The following USP40 variants were observed in gnomAD, a reference collection of about 807,000 sequenced individuals.
USP40 encodes ubiquitin specific peptidase 40.
USP40 carries 143 observed loss-of-function variants against 166.2 expected under a neutral mutation model. That is an observed-to-expected ratio of 0.86 (90% CI 0.75 to 0.99). The LOEUF (loss-of-function observed/expected upper bound fraction) is 0.99. Among genes scored for constraint, USP40 ranks in the 50% least tolerant of loss-of-function variants. The pLI is 0.00. For synonymous variants in USP40, 498 were observed against 524.0 expected (o/e 0.95, Z 0.68); for missense variants, 1,444 against 1,479.7 (o/e 0.98, Z 0.40).
At chr2:233,552,563 A>C (rs879717456) in intron 6 of USP40, among the ~76,000 whole-genome samples, 1 of 152,242 alleles carries the variant, frequency 6.6e-6, no homozygotes, top group Non-Finnish European at 1.5e-5. Context: ...AGTCTAACCA[A>C]AAGCTGAATG....
intron 10 of USP40, among the ~76,000 whole-genome samples, chr2:233,538,495 A>C (rs926926825): frequency 6.6e-6 from 1 of 152,224 alleles, no homozygotes; most frequent in Non-Finnish European, 1.5e-5. Context: ...AAAAGGAATC[A>C]TAAGTTCATA....
At chr2:233,522,842 C>T (rs1366835103) in intron 16 of USP40, among the ~76,000 whole-genome samples, 1 of 152,154 alleles carries the variant, frequency 6.6e-6, no homozygotes, top group Non-Finnish European at 1.5e-5. Context: ...GTGAGAATTT[C>T]CTTCGGTTTT....
chr2:233,560,283 G>C (rs933343590), intron 3 of USP40, among the ~76,000 whole-genome samples: 1 of 152,096 alleles, frequency 6.6e-6, no homozygotes, highest in African/African-American at 2.4e-5. Context: ...CCCCTCTGTA[G>C]AAATTTTCCA....
chr2:233,528,281 A>G (rs2068214833), intron 12 of USP40, among the ~76,000 whole-genome samples: 1 of 152,078 alleles, frequency 6.6e-6, no homozygotes, highest in Non-Finnish European at 1.5e-5. Context: ...GACCGGCCCC[A>G]TGAAATATTT....
At chr2:233,527,377 C>A (rs1251313592) in intron 13 of USP40, 30 bp downstream of exon 13, 2 of 1,604,972 alleles carry the variant, frequency 1.2e-6, no homozygotes, top group South Asian at 1.1e-5. Context: ...TGCTCGATGT[C>A]TGAATTAAGA....
intron 8 of USP40, 198 bp from the exon 9 acceptor site, chr2:233,542,561 A>G (rs889758134): frequency 4.6e-6 from 2 of 430,518 alleles, no homozygotes; most frequent in African/African-American, 2.1e-5. Context: ...AAAGATAAAA[A>G]AAATTAGCCA....
At chr2:233,479,814 G>A (rs2064448884) in intron 31 of USP40, among the ~76,000 whole-genome samples, 1 of 152,068 alleles carries the variant, frequency 6.6e-6, no homozygotes, top group Admixed American at 6.6e-5. Flanking sequence ...GGCTCCCGGG[G>A]CCCTTAGGGA....
chr2:233,566,529 G>A (rs1017408802), intron 1 of USP40, among the ~76,000 whole-genome samples, 155 bp downstream of exon 1: 6 of 152,216 alleles, frequency 3.9e-5, no homozygotes, highest in African/African-American at 1.4e-4. Context: ...AGAGGTCCCC[G>A]TGGCCCGAAA....
chr2:233,481,364 A>C (rs1254815445), intron 30 of USP40, 67 bp from the exon 31 acceptor site: 2 of 1,408,318 alleles, frequency 1.4e-6, no homozygotes, highest in Non-Finnish European at 2.0e-6. Flanking sequence ...TAAAAGAGGC[A>C]TGTCTAAAAA....
chr2:233,499,824 C>G (rs1187702433), intron 22 of USP40, 55 bp downstream of exon 22: 2 of 1,546,842 alleles, frequency 1.3e-6, no homozygotes, highest in African/African-American at 2.8e-5. Flanking sequence ...AAAAAAAAGT[C>G]AAAAAAATTT....
intron 18 of USP40, 32 bp downstream of exon 18, chr2:233,519,582 C>T (rs1162991324): frequency 7.2e-7 from 1 of 1,389,942 alleles, no homozygotes; most frequent in South Asian, 1.3e-5. Context: ...TTAAGCTAAA[C>T]TAAGAACCGA....
chr2:233,565,275 T>G (rs1170722760), intron 2 of USP40, 81 bp downstream of exon 2: 6 of 1,045,954 alleles, frequency 5.7e-6, no homozygotes, highest in Non-Finnish European at 8.2e-6. Context: ...AGATAATTGG[T>G]CTATTTGTGA....
At chr2:233,548,584 T>G (rs2070223150) in intron 8 of USP40, among the ~76,000 whole-genome samples, 2 of 151,776 alleles carry the variant, frequency 1.3e-5, no homozygotes, top group African/African-American at 4.8e-5. Context: ...GACACTAGAG[T>G]GGGGGAAAAA....
chr2:233,522,635 G>A (rs529133887), intron 16 of USP40, among the ~76,000 whole-genome samples: 9 of 152,300 alleles, frequency 5.9e-5, no homozygotes, highest in Admixed American at 4.6e-4. Flanking sequence ...AAGAGATGCA[G>A]CTTTAAATGT....
chr2:233,541,941 A>G (rs1442837892), intron 9 of USP40, among the ~76,000 whole-genome samples: 1 of 152,232 alleles, frequency 6.6e-6, no homozygotes, highest in Non-Finnish European at 1.5e-5. Flanking sequence ...ATATATAAAC[A>G]TAAAGAAAAC....
chr2:233,562,743 T>C lies in USP40; in HGVS notation c.260A>G (p.Asp87Gly). The C allele has an allele frequency of 6.6e-7, 1 of 1,519,650 alleles. No individual in the cohort carries two copies. Among genetic ancestry groups the C allele is most frequent in the Non-Finnish European group, 8.8e-7 (1 of 1,131,734 alleles). 94.1% of individuals were successfully genotyped at this position (1,519,650 alleles called of 1,614,324 possible). ...TAATAATAATAAAAATACCTTTGCA[T>C]CGGGTTTATCCTTATCTTCAAACAA... ...LGLFEDKDKP[D>G]AKVRIIPLQL... Residue 87 changes from aspartate (D) to glycine (G), a missense_variant, in exon 3 of 32, where the codon GAT becomes GGT. Transcript: ENST00000678225.
intron 13 of USP40, 37 bp downstream of exon 13, chr2:233,527,370 T>C (rs911081941): frequency 1.3e-6 from 2 of 1,599,182 alleles, no homozygotes; most frequent in Non-Finnish European, 1.7e-6. Flanking sequence ...GAGATGGTGC[T>C]CGATGTCTGA....
chr2:233,495,674 TG>T (rs1485909628), intron 24 of USP40, among the ~76,000 whole-genome samples: 1 of 152,016 alleles, frequency 6.6e-6, no homozygotes, highest in Non-Finnish European at 1.5e-5. Flanking sequence ...CAAAGGCCTT[TG>T]GAAGGATGCA....
chr2:233,566,735 G>C lies in USP40; in HGVS notation c.-71C>G, dbSNP rs191251401. 12 of 985,854 alleles carry C rather than the reference G, an allele frequency of 1.2e-5. No homozygotes were observed. The highest frequency in any genetic ancestry group is 1.4e-5 in the Non-Finnish European group (12 of 830,000). 61.1% of individuals were successfully genotyped at this position (985,854 alleles called of 1,614,324 possible). ...GCCAAAACGCGAAGCGAACGAACCC[G>C]CCCCAACTGGGCGCCGCCATGTTGG... On this transcript the variant is annotated 5_prime_UTR_variant, in exon 1 of 32. Coordinates refer to ENST00000678225, the MANE Select transcript of USP40 (RefSeq NM_001365479.2).
Sources: allele counts gnomAD v4.1 joint callset (sites outside exome capture counted in the v4.1 genomes callset), GRCh38; gene constraint gnomAD v4.1.1; transcripts MANE v1.5; gene names NCBI Gene and HGNC (gene_info 2026-07-23, HGNC 2026-07-21).